The following EP400 variants were observed in gnomAD, a reference collection of about 807,000 sequenced individuals.
EP400 encodes the protein E1A binding protein p400.
A neutral mutation model predicts 354.1 loss-of-function variants in EP400; 105 were observed. The observed-to-expected ratio is 0.30, with a 90% CI of 0.25 to 0.35. The LOEUF (loss-of-function observed/expected upper bound fraction) is 0.35, where lower values mean the gene tolerates loss of function less well. EP400 is among the 10% of genes least tolerant of loss of function. The pLI, the probability that EP400 is intolerant of heterozygous loss-of-function variation, is 1.00. For missense variants in EP400, 3,280 were observed against 4,121.0 expected (o/e 0.80, Z 5.59); for synonymous variants, 1,646 against 1,716.9 (o/e 0.96, Z 1.02).
chr12:132,021,412 T>C, intron 23 of EP400, 91 bp downstream of exon 23: 1 of 1,414,208 alleles, frequency 7.1e-7, no homozygotes, highest in East Asian at 2.7e-5. Flanking sequence ...AGCCTTGCTG[T>C]CCACTCCTTT....
At position 131,949,965 on chromosome 12, in the gene EP400, C is replaced by G. The variant is rs1383167134; in HGVS notation, c.-107C>G. ...TCCTCCCGCCGGGGCCCCGGATGCA[C>G]TGAGCGGCTGCGGCGCGGCTTCCAT... On this transcript the variant is annotated 5_prime_UTR_variant, in exon 1 of 53. Coordinates refer to ENST00000389561, the MANE Select transcript of EP400 (RefSeq NM_015409.5). The G allele has an allele frequency of 6.6e-6, 1 of 151,890 alleles. No homozygotes were observed. Among genetic ancestry groups the G allele is most frequent in the African/African-American group, 2.4e-5 (1 of 41,424 alleles). 9.4% of individuals were successfully genotyped at this position (151,890 alleles called of 1,614,324 possible). A position where few individuals can be genotyped will look rare whatever the true frequency, so the allele number is the denominator to read the frequency against.
chr12:132,019,943 G>C, intron 21 of EP400, 106 bp from the exon 22 acceptor site: 4 of 1,241,102 alleles, frequency 3.2e-6, no homozygotes, highest in Non-Finnish European at 4.3e-6. Context: ...GCTGGTCCCT[G>C]AGCTGGCTTC....
In EP400 at chr12:132,017,833, T is replaced by A; in HGVS notation, c.4110+112T>A. 8.3e-7 allele frequency: 1 copy of A among 1,202,894 alleles called. No individual in the cohort carries two copies. Among genetic ancestry groups the A allele is most frequent in the Non-Finnish European group, 1.1e-6 (1 of 882,880 alleles). The allele number at this position is 1,202,894 out of a possible 1,614,324, so 74.5% of individuals were successfully genotyped here. A position where few individuals can be genotyped will look rare whatever the true frequency, so the allele number is the denominator to read the frequency against. On this transcript the variant is annotated intron_variant, in intron 20 of 52. Transcript: ENST00000389561. The surrounding 1 kb of genome is among the most constrained non-coding windows in gnomAD (Gnocchi z 5.0). ...TCAACCAGCTCTTCTGCAATTGCAA[T>A]TGCAGCTCCGCGATACATGGCACCG...
At position 131,990,282 on chromosome 12, in the gene EP400, C is replaced by T. The variant is rs896089381; in HGVS notation, c.2550+178C>T. Among the ~76,000 whole-genome samples the T allele has an allele frequency of 2.0e-5, 3 of 152,182 alleles. No individual in the cohort carries two copies. Among genetic ancestry groups the T allele is most frequent in the African/African-American group, 7.2e-5 (3 of 41,444 alleles). ...CCTTTGAATGAGCTGCTCGTGCCTCCGTCTGTCTTGCACAGGGGATGCACC... is the reference window on the plus strand; with the variant it reads ...CCTTTGAATGAGCTGCTCGTGCCTCTGTCTGTCTTGCACAGGGGATGCACC... On this transcript the variant is annotated intron_variant, in intron 8 of 52. Transcript: ENST00000389561. This position sits in a 1 kb window ranked among gnomAD's most constrained non-coding sequence, Gnocchi z 4.2.
chr12:132,047,427 A>G (rs963285162), intron 39 of EP400, among the ~76,000 whole-genome samples: 1 of 152,238 alleles, frequency 6.6e-6, no homozygotes, highest in African/African-American at 2.4e-5. Flanking sequence ...TCTGAGAAGT[A>G]AAGGGAAAGA....
rs1895714989 is a variant in EP400, at chr12:132,062,140, G to A, written c.7915G>A (p.Val2639Met). The A allele has an allele frequency of 3.1e-6, 5 of 1,613,698 alleles. No homozygotes were observed. In the Admixed American group the frequency reaches 6.7e-5, roughly 22 times the overall value. ...GGGAGGCTCTGCTCCCGCCCAGGTG[G>A]TGCACACCCAGCCCCCGCCACGGGC... ...TPGGSAPAQV[V>M]HTQPPPRAVG... Residue 2639 changes from valine to methionine, a missense_variant, in exon 46 of 53, where the codon GTG (valine) becomes ATG (methionine). Val to Met is a conservative substitution (Grantham distance 21). Transcript: ENST00000389561.
At chr12:132,037,282 AT>A (rs1182233947) in intron 30 of EP400, among the ~76,000 whole-genome samples, 1 of 152,226 alleles carries the variant, frequency 6.6e-6, no homozygotes, top group Non-Finnish European at 1.5e-5. Context: ...GAGGTGTCTC[AT>A]GAGTGTTAAC....
At chr12:131,950,692 C>T (rs1453979124) in intron 1 of EP400, among the ~76,000 whole-genome samples, 1 of 152,200 alleles carries the variant, frequency 6.6e-6, no homozygotes, top group Non-Finnish European at 1.5e-5. Context: ...CACCTGCGGC[C>T]CACGGGCTTC....
rs764639300 is a variant in EP400, at chr12:132,029,962, GC to G, written c.5585-26del. On this transcript the variant is annotated intron_variant, in intron 28 of 52. Coordinates refer to ENST00000389561, the MANE Select transcript of EP400 (RefSeq NM_015409.5). This position sits in a 1 kb window ranked among gnomAD's most constrained non-coding sequence, Gnocchi z 4.7. ...AGCTGCACCGGCCCTGGATGATGAG[GC>G]GCTCTTGATGTGATTCGTTTCCCAG... The G allele has an allele frequency of 6.2e-7, 1 of 1,613,040 alleles. No individual in the cohort carries two copies. Among genetic ancestry groups the G allele is most frequent in the Non-Finnish European group, 8.5e-7 (1 of 1,179,814 alleles).
intron 12 of EP400, among the ~76,000 whole-genome samples, chr12:132,003,800 A>G (rs932071749): frequency 6.6e-6 from 1 of 152,218 alleles, no homozygotes; most frequent in Non-Finnish European, 1.5e-5. Flanking sequence ...CATTAGGTCT[A>G]TGTCCATCAA....
chr12:132,030,236 T>G (rs910150408), intron 29 of EP400, 78 bp downstream of exon 29: 2 of 1,514,584 alleles, frequency 1.3e-6, no homozygotes, highest in African/African-American at 2.8e-5. Flanking sequence ...GTAAATTCAG[T>G]GGTCTCATGG....
In EP400 at chr12:132,050,479, A is replaced by G; in HGVS notation, c.7337+20A>G. The G allele has an allele frequency of 6.2e-7, 1 of 1,614,040 alleles. No individual in the cohort carries two copies. Among genetic ancestry groups the G allele is most frequent in the Non-Finnish European group, 8.5e-7 (1 of 1,179,978 alleles). ...ACCTCTGTATGTTTCCTGAGTGCTCATTTTATGTTCATTATGACTGAGTAG... is the reference window on the plus strand; with the variant it reads ...ACCTCTGTATGTTTCCTGAGTGCTCGTTTTATGTTCATTATGACTGAGTAG... On this transcript the variant is annotated intron_variant, in intron 40 of 52. Coordinates refer to ENST00000389561, the MANE Select transcript of EP400 (RefSeq NM_015409.5). This position sits in a 1 kb window ranked among gnomAD's most constrained non-coding sequence, Gnocchi z 4.8.
chr12:131,956,873 CT>C (rs58567170), intron 1 of EP400, among the ~76,000 whole-genome samples: 2,509 of 115,304 alleles, frequency 0.022, 60 homozygotes, highest in African/African-American at 0.081. Flanking sequence ...TTTTTTTGTC[CT>C]TTTTTTTTTT....
chr12:131,991,291 G>C (rs564022196), intron 9 of EP400, 116 bp from the exon 10 acceptor site: 8 of 948,418 alleles, frequency 8.4e-6, no homozygotes, highest in African/African-American at 1.6e-5. Flanking sequence ...CAGAACTCAC[G>C]CGTCCTTCCT....
chr12:132,022,378 T>A (rs1328102704), intron 23 of EP400, among the ~76,000 whole-genome samples: 1 of 152,190 alleles, frequency 6.6e-6, no homozygotes, highest in African/African-American at 2.4e-5. Context: ...CTGTCTTCTG[T>A]TTTCATTTTC....
At chr12:132,060,924 A>C (rs1895671868) in intron 45 of EP400, among the ~76,000 whole-genome samples, 1 of 151,948 alleles carries the variant, frequency 6.6e-6, no homozygotes, top group Non-Finnish European at 1.5e-5. Flanking sequence ...CAAAAAAAAA[A>C]AAAAACAAAA....
Position 131,982,355 on chromosome 12 carries a change from C to T in EP400, c.1806C>T (p.Pro602=). Residue 602 remains proline, a synonymous_variant, in exon 5 of 53, where the codon CCC becomes CCT. Coordinates refer to ENST00000389561, the MANE Select transcript of EP400 (RefSeq NM_015409.5). ...TGAAGACTCAGCAGCCCAATGTTCC[C>T]ATCCCTGCACCGCCCAGCAGCCAAC... ...IPVKTQQPNV[P]IPAPPSSQLP... 4 of 1,614,210 alleles carry T rather than the reference C, an allele frequency of 2.5e-6. No individual in the cohort carries two copies. The highest frequency in any genetic ancestry group is 3.4e-6 in the Non-Finnish European group (4 of 1,180,036).
At chr12:131,979,536 A>G (rs1019497705) in intron 2 of EP400, among the ~76,000 whole-genome samples, 158 bp from the exon 3 acceptor site, 4 of 152,240 alleles carry the variant, frequency 2.6e-5, no homozygotes, top group African/African-American at 9.6e-5. Flanking sequence ...TTATACATAA[A>G]TATACATTAC....
chr12:131,968,239 T>C (rs1019670293), intron 2 of EP400, among the ~76,000 whole-genome samples: 1 of 152,234 alleles, frequency 6.6e-6, no homozygotes, highest in Admixed American at 6.5e-5. Flanking sequence ...TACTTTTAGA[T>C]CTATGATTTA....
Sources: allele counts gnomAD v4.1 joint callset (sites outside exome capture counted in the v4.1 genomes callset), GRCh38; gene constraint gnomAD v4.1.1; non-coding constraint Gnocchi (gnomAD v3.1); transcripts MANE v1.5; gene names NCBI Gene and HGNC (gene_info 2026-07-23, HGNC 2026-07-21).